The following SV2C variants were observed in gnomAD, a reference collection of about 807,000 sequenced individuals.
SV2C encodes the protein synaptic vesicle glycoprotein 2C.
A neutral mutation model predicts 79.7 loss-of-function variants in SV2C; 49 were observed. The ratio of observed to expected loss-of-function variants is 0.61; its 90% CI spans 0.49 to 0.78. The LOEUF (loss-of-function observed/expected upper bound fraction) is 0.78, where lower values mean the gene tolerates loss of function less well. Ranked by LOEUF, SV2C falls within the 30% of genes least tolerant of loss-of-function variation. The pLI, the probability that SV2C is intolerant of heterozygous loss-of-function variation, is 0.00. For missense variants in SV2C, 833 were observed against 912.9 expected (o/e 0.91, Z 1.13); for synonymous variants, 334 against 333.2 (o/e 1.00, Z -0.03).
At chr5:76,000,117 A>T in the SV2C span, among the ~76,000 whole-genome samples, 5 of 152,230 alleles carry the variant, frequency 3.3e-5, no homozygotes, top group Admixed American at 3.3e-4. Context: ...TACTGAGTCC[A>T]CCAATTCAAA....
chr5:76,094,604 A>G (rs1465795863), intron 1 of SV2C, among the ~76,000 whole-genome samples: 2 of 152,122 alleles, frequency 1.3e-5, no homozygotes, highest in African/African-American at 4.8e-5. Context: ...CATTGGAGCT[A>G]TTATCAATAA....
chr5:75,946,583 T>C, the SV2C span, among the ~76,000 whole-genome samples: 270 of 152,198 alleles, frequency 1.8e-3, no homozygotes, highest in Non-Finnish European at 3.4e-3. Context: ...TGAATAACAA[T>C]GAAATATGGC....
At chr5:76,288,313 TA>T (rs1433161385) in intron 6 of SV2C, among the ~76,000 whole-genome samples, 10 of 152,228 alleles carry the variant, frequency 6.6e-5, no homozygotes. Context: ...ACTGTAAAGA[TA>T]AACTGCAATT....
chr5:76,038,101 TCACGCACGGTGCGTGCACC>T, the SV2C span, among the ~76,000 whole-genome samples: 1 of 152,330 alleles, frequency 6.6e-6, no homozygotes, highest in South Asian at 2.1e-4. Context: ...GTGCTTCGGC[TCACGCACGGTGCGTGCACC>T]CACTGACCTG....
At chr5:76,196,846 C>T (rs560375163) in intron 3 of SV2C, among the ~76,000 whole-genome samples, 2 of 152,264 alleles carry the variant, frequency 1.3e-5, no homozygotes, top group Admixed American at 6.5e-5. Flanking sequence ...GAGACATGGT[C>T]GTCCCAACAG....
intron 12 of SV2C, among the ~76,000 whole-genome samples, chr5:76,347,071 G>GA (rs1224475605): frequency 2.0e-5 from 3 of 152,110 alleles, no homozygotes; most frequent in Non-Finnish European, 4.4e-5. Flanking sequence ...AAAGAGGGGG[G>GA]AAAAACAGAA....
At chr5:76,169,537 A>G (rs1328141672) in intron 2 of SV2C, among the ~76,000 whole-genome samples, 1 of 152,238 alleles carries the variant, frequency 6.6e-6, no homozygotes, top group Non-Finnish European at 1.5e-5. Flanking sequence ...AGAAGATAGC[A>G]TAAAACTGTT....
chr5:75,856,927 G>A, the SV2C span, among the ~76,000 whole-genome samples: 1 of 150,088 alleles, frequency 6.7e-6, no homozygotes, highest in African/African-American at 2.5e-5. Flanking sequence ...TTCATAGTTT[G>A]AGGTCTTTGA....
At chr5:76,023,034 A>C in the SV2C span, among the ~76,000 whole-genome samples, 2 of 152,226 alleles carry the variant, frequency 1.3e-5, no homozygotes, top group Admixed American at 6.5e-5. Flanking sequence ...GTATATCCAC[A>C]CTTCACAGTG....
the SV2C span, among the ~76,000 whole-genome samples, chr5:76,047,002 T>C: frequency 6.6e-6 from 1 of 152,248 alleles, no homozygotes; most frequent in African/African-American, 2.4e-5. Context: ...TCCTGAAGAA[T>C]GTGAATTGAA....
At chr5:76,104,288 A>G (rs1007586379) in intron 1 of SV2C, among the ~76,000 whole-genome samples, 1 of 152,232 alleles carries the variant, frequency 6.6e-6, no homozygotes, top group Non-Finnish European at 1.5e-5. Flanking sequence ...AAAACGCACT[A>G]CAACAGAATT....
intron 12 of SV2C, among the ~76,000 whole-genome samples, chr5:76,313,421 A>G (rs943794680): frequency 1.3e-5 from 2 of 152,174 alleles, no homozygotes; most frequent in African/African-American, 4.8e-5. Flanking sequence ...GGTAGTTAGA[A>G]GTAGAGGGTG....
the SV2C span, among the ~76,000 whole-genome samples, chr5:75,927,142 A>T: frequency 6.6e-6 from 1 of 152,112 alleles, no homozygotes; most frequent in East Asian, 1.9e-4. Context: ...GGAGCTATGG[A>T]TCCTATAGAT....
intron 12 of SV2C, among the ~76,000 whole-genome samples, chr5:76,351,364 C>T (rs1439891875): frequency 6.6e-6 from 1 of 151,970 alleles, no homozygotes; most frequent in Non-Finnish European, 1.5e-5. Flanking sequence ...GAGAGGATAG[C>T]TTGAGCCCAG....
chr5:76,069,814 C>T, the SV2C span, among the ~76,000 whole-genome samples: 10 of 150,852 alleles, frequency 6.6e-5, no homozygotes, highest in South Asian at 2.1e-4. Context: ...CTCCAACCCC[C>T]GTTTCTCTCT....
chr5:75,917,882 T>C, the SV2C span, among the ~76,000 whole-genome samples: 2 of 152,206 alleles, frequency 1.3e-5, no homozygotes, highest in Admixed American at 6.5e-5. Context: ...TCATTCTCCA[T>C]GATGTTATTT....
chr5:75,905,653 G>A, the SV2C span, among the ~76,000 whole-genome samples: 1 of 152,060 alleles, frequency 6.6e-6, no homozygotes, highest in African/African-American at 2.4e-5. Context: ...CCAGCTGGTG[G>A]TGTCAGGTGG....
intron 4 of SV2C, among the ~76,000 whole-genome samples, chr5:76,265,091 G>A (rs1009570835): frequency 8.5e-5 from 13 of 152,174 alleles, no homozygotes; most frequent in African/African-American, 2.4e-4. Context: ...TAGGGAGATG[G>A]GAGTTTTATC....
the SV2C span, among the ~76,000 whole-genome samples, chr5:75,857,594 T>A: frequency 6.6e-6 from 1 of 152,164 alleles, no homozygotes; most frequent in Non-Finnish European, 1.5e-5. Flanking sequence ...TTATTCTGGG[T>A]CTTTTGTGGT....
Sources: gnomAD v4.1 joint callset for allele counts (sites outside exome capture counted in the v4.1 genomes callset) on GRCh38, gnomAD v4.1.1 for gene constraint, MANE v1.5 for transcripts, NCBI Gene and HGNC (gene_info 2026-07-23, HGNC 2026-07-21) for gene names.